Variants in CMPK1 observed in about 807,000 individuals in gnomAD.
CMPK1 encodes cytidine/uridine monophosphate kinase 1.
In CMPK1, 10 loss-of-function variants were observed where a neutral mutation model predicts 25.7. The ratio of observed to expected loss-of-function variants is 0.39; its 90% CI spans 0.24 to 0.66. The LOEUF (loss-of-function observed/expected upper bound fraction) is 0.66. Among genes scored for constraint, CMPK1 ranks in the 30% least tolerant of loss-of-function variants. The pLI is 0.48. For synonymous variants in CMPK1, 106 were observed against 101.5 expected (o/e 1.04, Z -0.27); for missense variants, 199 against 280.5 (o/e 0.71, Z 2.08).
intron 1 of CMPK1, among the ~76,000 whole-genome samples, chr1:47,346,429 G>A (rs1646484322): frequency 6.6e-6 from 1 of 151,920 alleles, no homozygotes; most frequent in Non-Finnish European, 1.5e-5. Flanking sequence ...TTTCTCATAC[G>A]CTGGAATCAT....
chr1:47,375,696 T>G (rs1018850144), intron 5 of CMPK1, among the ~76,000 whole-genome samples: 4 of 152,226 alleles, frequency 2.6e-5, no homozygotes. Flanking sequence ...TGGCAAGTCA[T>G]CTAGCTCAAG....
chr1:47,358,626 T>C, intron 1 of CMPK1: 1 of 993,520 alleles, frequency 1.0e-6, no homozygotes. Context: ...AAACTTTAGT[T>C]TTAGTTATAA....
chr1:47,340,999 G>T (rs1260696499), intron 1 of CMPK1, among the ~76,000 whole-genome samples: 1 of 152,134 alleles, frequency 6.6e-6, no homozygotes, highest in Non-Finnish European at 1.5e-5. Context: ...CTCTTCAGAA[G>T]CACCACTGTT....
intron 1 of CMPK1, among the ~76,000 whole-genome samples, chr1:47,357,482 C>CTTTTT (rs5773945): frequency 1.4e-5 from 2 of 145,196 alleles, no homozygotes; most frequent in Non-Finnish European, 1.5e-5. Flanking sequence ...TTAATGGATT[C>CTTTTT]TTTTTTTTTT....
intron 3 of CMPK1, among the ~76,000 whole-genome samples, 199 bp from the exon 4 acceptor site, chr1:47,374,710 G>A (rs1203773914): frequency 6.6e-6 from 1 of 152,058 alleles, no homozygotes; most frequent in Non-Finnish European, 1.5e-5. Flanking sequence ...ATTATGCTCT[G>A]TACTTATTTA....
chr1:47,349,297 A>G (rs1428260741), intron 1 of CMPK1, among the ~76,000 whole-genome samples: 1 of 152,198 alleles, frequency 6.6e-6, no homozygotes, highest in Non-Finnish European at 1.5e-5. Context: ...CTGTTGTGGA[A>G]TAATAGAGTT....
intron 1 of CMPK1, among the ~76,000 whole-genome samples, chr1:47,343,683 G>A (rs1646459573): frequency 6.6e-6 from 1 of 152,082 alleles, no homozygotes; most frequent in African/African-American, 2.4e-5. Context: ...GGAAGCCAGG[G>A]TGCAAGAATT....
intron 1 of CMPK1, among the ~76,000 whole-genome samples, chr1:47,335,866 C>A (rs193072675): frequency 2.2e-4 from 33 of 151,914 alleles, no homozygotes; most frequent in Admixed American, 4.6e-4. Flanking sequence ...CAGGTTCAAG[C>A]GATTTTCCTG....
chr1:47,345,265 C>T (rs1646474294), intron 1 of CMPK1, among the ~76,000 whole-genome samples: 3 of 151,836 alleles, frequency 2.0e-5, no homozygotes, highest in Non-Finnish European at 1.5e-5. Context: ...TCCTTCAGAT[C>T]TTAGCTTAAA....
At chr1:47,359,273 C>T (rs184518290) in intron 1 of CMPK1, among the ~76,000 whole-genome samples, 3,768 of 150,758 alleles carry the variant, frequency 0.025, 183 homozygotes, top group African/African-American at 0.088. Context: ...GCCAAGATCG[C>T]GCCACCGCAC....
chr1:47,363,568 G>A (rs559047097), intron 1 of CMPK1, among the ~76,000 whole-genome samples: 53 of 152,272 alleles, frequency 3.5e-4, no homozygotes, highest in Middle Eastern at 3.4e-3. Context: ...AACCCTGGAG[G>A]TGGAGGTTGC....
chr1:47,358,317 T>G (rs1462265675), intron 1 of CMPK1: 1 of 651,510 alleles, frequency 1.5e-6, no homozygotes. Context: ...CTTGCTATGG[T>G]GCATAGGCTG....
chr1:47,363,909 C>T (rs1389164937), intron 1 of CMPK1, among the ~76,000 whole-genome samples: 1 of 152,102 alleles, frequency 6.6e-6, no homozygotes, highest in Non-Finnish European at 1.5e-5. Context: ...CGCCACTGCA[C>T]TCCAGGCTAG....
At chr1:47,342,707 T>C (rs1179049457) in intron 1 of CMPK1, among the ~76,000 whole-genome samples, 3 of 145,412 alleles carry the variant, frequency 2.1e-5, no homozygotes, top group African/African-American at 7.6e-5. Context: ...TGGAGTGCAA[T>C]GGTGCCATCT....
chr1:47,375,139 T>C lies in CMPK1; in HGVS notation c.549-58T>C, dbSNP rs1311705325. On this transcript the variant is annotated intron_variant, in intron 4 of 5. Coordinates refer to ENST00000371873, the MANE Select transcript of CMPK1 (RefSeq NM_016308.3). Reference sequence around the variant, plus strand: ...ATCCAGTGTTCTGTGAGCTCTCCTATAACATGTAGAAGAAAGGATAGATAC... The same window carrying C: ...ATCCAGTGTTCTGTGAGCTCTCCTACAACATGTAGAAGAAAGGATAGATAC... 16 of 1,382,626 alleles carry C rather than the reference T, an allele frequency of 1.2e-5. No homozygotes were observed. The Admixed American group carries it at 2.6e-4, about 23-fold the overall frequency. The allele number at this position is 1,382,626 out of a possible 1,614,324, so 85.6% of individuals were successfully genotyped here.
rs559539654 is a variant in CMPK1 at position 47,377,725 on chromosome 1, A to T, written c.*980A>T. ...TTTTCATAGTTATTTGTTTAAAAAGATTTAAAAATCATTGCACTTTGGTCA... is the reference window on the plus strand; with the variant it reads ...TTTTCATAGTTATTTGTTTAAAAAGTTTTAAAAATCATTGCACTTTGGTCA... On this transcript the variant is annotated 3_prime_UTR_variant, in exon 6 of 6. Transcript: ENST00000371873. 3 of 152,742 alleles carry T rather than the reference A, an allele frequency of 2.0e-5. No individual in the cohort carries two copies. The South Asian group carries it at 6.2e-4, about 32-fold the overall frequency. The allele number at this position is 152,742 out of a possible 1,614,324, so 9.5% of individuals were successfully genotyped here. A position where few individuals can be genotyped will look rare whatever the true frequency, so the allele number is the denominator to read the frequency against.
Position 47,334,100 on chromosome 1 carries a change from G to T in CMPK1, c.155G>T (p.Cys52Phe), listed in dbSNP as rs1363565328. The change falls in exon 1 of 6, where the codon TGC becomes TTC. Residue 52 changes from cysteine (C) to phenylalanine (F), a missense_variant. Cys to Phe is a radical substitution (Grantham distance 205). Transcript: ENST00000371873. ...CCCGGCGCCGGCAAGGGGACCCAGT[G>T]CGCCCGCATCGTCGAGGTGAGGCCC... ...GGPGAGKGTQ[C>F]ARIVEKYGYT... The T allele has an allele frequency of 6.6e-7, 1 of 1,521,382 alleles. No individual in the cohort carries two copies. The highest frequency in any genetic ancestry group is 8.8e-7 in the Non-Finnish European group (1 of 1,132,398). The allele number at this position is 1,521,382 out of a possible 1,614,324, so 94.2% of individuals were successfully genotyped here.
chr1:47,356,850 G>T (rs1040553789), intron 1 of CMPK1, among the ~76,000 whole-genome samples: 3 of 152,000 alleles, frequency 2.0e-5, no homozygotes. Flanking sequence ...TAGTAGAGAT[G>T]GGATTTCACC....
At position 47,376,828 on chromosome 1, in the gene CMPK1, T is replaced by G; in HGVS notation, c.*83T>G. On this transcript the variant is annotated 3_prime_UTR_variant, in exon 6 of 6. Coordinates refer to ENST00000371873, the MANE Select transcript of CMPK1 (RefSeq NM_016308.3). ...TCATGACCCCTTTTTAAGGCAATTC[T>G]AATCTTTCATAACTACATCTCAATT... is the stretch of plus-strand genomic sequence containing the variant. The G allele has an allele frequency of 5.4e-6, 4 of 744,030 alleles. No homozygotes were observed. Among genetic ancestry groups the G allele is most frequent in the Non-Finnish European group, 9.3e-6 (4 of 431,204 alleles). 46.1% of individuals were successfully genotyped at this position (744,030 alleles called of 1,614,324 possible).
Sources: allele counts gnomAD v4.1 joint callset (sites outside exome capture counted in the v4.1 genomes callset), GRCh38; gene constraint gnomAD v4.1.1; transcripts MANE v1.5; gene names NCBI Gene and HGNC (gene_info 2026-07-23, HGNC 2026-07-21).